The following RSPRY1 variants were observed in gnomAD, a reference collection of about 807,000 sequenced individuals.
RSPRY1 encodes RING finger and SPRY domain-containing protein 1.
A neutral mutation model predicts 73.1 loss-of-function variants in RSPRY1; 23 were observed. The observed-to-expected ratio is 0.31, with a 90% CI of 0.23 to 0.45. The LOEUF (loss-of-function observed/expected upper bound fraction) is 0.45. Ranked by LOEUF, RSPRY1 falls within the 20% of genes least tolerant of loss-of-function variation. The pLI is 1.00. For missense variants in RSPRY1, 448 were observed against 698.7 expected (o/e 0.64, Z 4.05); for synonymous variants, 226 against 251.4 (o/e 0.90, Z 0.95).
intron 13 of RSPRY1, among the ~76,000 whole-genome samples, chr16:57,233,419 A>G (rs1188518673): frequency 6.6e-6 from 1 of 151,924 alleles, no homozygotes; most frequent in African/African-American, 2.4e-5. Context: ...TCTGTTGCCC[A>G]GGAGTGTGGT....
At position 57,231,158 on chromosome 16, in the gene RSPRY1, T is replaced by A. The variant is rs751136149; in HGVS notation, c.1377-9T>A. On this transcript the variant is annotated splice_polypyrimidine_tract_variant and intron_variant, in intron 12 of 14. Transcript: ENST00000394420. ...ATTCTATTGGCCTCTGTACTCATTT[T>A]ATTTGTAGATCTGGATTTTTTGCTG... 25 of 1,611,918 alleles carry A rather than the reference T, an allele frequency of 1.6e-5. No individual in the cohort carries two copies. Among genetic ancestry groups the A allele is most frequent in the Middle Eastern group, 1.6e-4 (1 of 6,076 alleles).
intron 10 of RSPRY1, 68 bp from the exon 11 acceptor site, chr16:57,227,274 G>A: frequency 9.6e-7 from 1 of 1,042,916 alleles, no homozygotes; most frequent in Non-Finnish European, 1.5e-6. Context: ...GGTCGTAAAA[G>A]ACACACTCTC....
In RSPRY1 at chr16:57,221,324, A is replaced by G. The variant is rs2075032174; in HGVS notation, c.1070A>G (p.Asp357Gly). ...FESVRCTFCV[D>G]AGVWYYEVTV... ...AGTGTGCGTTGCACCTTTTGTGTGG[A>G]TGCCGGGGTATGGTACTATGAAGTA... Residue 357 changes from aspartate (D) to glycine (G), a missense_variant, in exon 10 of 15, where the codon GAT becomes GGT. By Grantham distance (94) the Asp-to-Gly change is moderately conservative. Transcript: ENST00000394420. The G allele has an allele frequency of 6.2e-7, 1 of 1,613,846 alleles. No homozygotes were observed. The highest frequency in any genetic ancestry group is 1.3e-5 in the African/African-American group (1 of 74,824).
At chr16:57,237,804 C>T (rs529012702) in intron 14 of RSPRY1, among the ~76,000 whole-genome samples, 3 of 152,032 alleles carry the variant, frequency 2.0e-5, no homozygotes, top group Admixed American at 1.3e-4. Flanking sequence ...CTCCGCCTCC[C>T]GAGCTCAAGT....
At chr16:57,237,683 T>A (rs927764641) in intron 14 of RSPRY1, among the ~76,000 whole-genome samples, 11 of 152,034 alleles carry the variant, frequency 7.2e-5, no homozygotes, top group East Asian at 5.8e-4. Context: ...CTCTTTATTT[T>A]TTTATTTTTA....
intron 1 of RSPRY1, among the ~76,000 whole-genome samples, chr16:57,198,217 C>T (rs1440885652): frequency 6.6e-6 from 1 of 151,998 alleles, no homozygotes; most frequent in Non-Finnish European, 1.5e-5. Flanking sequence ...AACTCTGTCT[C>T]TACTAAAAAT....
At chr16:57,215,404 G>A (rs2074921258) in intron 6 of RSPRY1, among the ~76,000 whole-genome samples, 1 of 152,208 alleles carries the variant, frequency 6.6e-6, no homozygotes, top group African/African-American at 2.4e-5. Flanking sequence ...CCAGAACTTA[G>A]GAGGTACCAG....
chr16:57,202,662 AC>A (rs1406093038), intron 1 of RSPRY1, among the ~76,000 whole-genome samples: 5 of 151,866 alleles, frequency 3.3e-5, no homozygotes, highest in African/African-American at 1.2e-4. Context: ...TTTCAGTACA[AC>A]CTCCAAATTT....
intron 14 of RSPRY1, among the ~76,000 whole-genome samples, chr16:57,237,848 G>A (rs1178343581): frequency 2.6e-5 from 4 of 152,020 alleles, no homozygotes; most frequent in Admixed American, 2.0e-4. Context: ...AAGTAGCTGG[G>A]ATTACCAGTG....
chr16:57,208,620 G>A (rs1338921268), intron 3 of RSPRY1, among the ~76,000 whole-genome samples: 1 of 151,766 alleles, frequency 6.6e-6, no homozygotes, highest in African/African-American at 2.4e-5. Flanking sequence ...GCCTGGTCTT[G>A]TACTCCTGGG....
intron 4 of RSPRY1, among the ~76,000 whole-genome samples, chr16:57,210,958 C>A (rs1295575509): frequency 2.0e-5 from 3 of 152,032 alleles, no homozygotes; most frequent in African/African-American, 7.3e-5. Flanking sequence ...GTCGAGATTG[C>A]AGTGAGACAA....
At chr16:57,218,545 A>G (rs1419975935) in intron 8 of RSPRY1, among the ~76,000 whole-genome samples, 7 of 151,264 alleles carry the variant, frequency 4.6e-5, no homozygotes, top group Non-Finnish European at 5.9e-5. Context: ...TCATGAGTTC[A>G]GTTGTTTTTA....
At chr16:57,222,478 G>A (rs1265511525) in intron 10 of RSPRY1, among the ~76,000 whole-genome samples, 1 of 152,152 alleles carries the variant, frequency 6.6e-6, no homozygotes, top group Non-Finnish European at 1.5e-5. Flanking sequence ...AAACTCCTAG[G>A]CTGGAGAGAG....
chr16:57,212,947 A>G (rs750976640), intron 4 of RSPRY1, 25 bp from the exon 5 acceptor site: 1 of 1,611,816 alleles, frequency 6.2e-7, no homozygotes. Context: ...TATGGGTCAA[A>G]CCCACTTGTA....
intron 14 of RSPRY1, among the ~76,000 whole-genome samples, chr16:57,235,648 G>A (rs1437418620): frequency 1.3e-5 from 2 of 152,188 alleles, no homozygotes; most frequent in Non-Finnish European, 2.9e-5. Context: ...ATCAGCAAGA[G>A]AAGCAAGTAA....
At chr16:57,231,106 C>G (rs1166772185) in intron 12 of RSPRY1, 61 bp from the exon 13 acceptor site, 1 of 1,501,616 alleles carries the variant, frequency 6.7e-7, no homozygotes, top group Non-Finnish European at 9.1e-7. Flanking sequence ...ACTGTTCTAT[C>G]TATTAACTCT....
intron 1 of RSPRY1, among the ~76,000 whole-genome samples, chr16:57,192,502 A>G (rs1349859564): frequency 2.6e-5 from 4 of 151,942 alleles, no homozygotes; most frequent in African/African-American, 4.8e-5. Context: ...CTTTTTTACT[A>G]TTATTTGCTT....
intron 1 of RSPRY1, among the ~76,000 whole-genome samples, chr16:57,190,726 G>A (rs1323622764): frequency 6.6e-6 from 1 of 152,196 alleles, no homozygotes; most frequent in Admixed American, 6.5e-5. Context: ...TTTCCCTTTG[G>A]TTTATCATTC....
At chr16:57,201,057 G>A (rs1465248258) in intron 1 of RSPRY1, among the ~76,000 whole-genome samples, 1 of 150,156 alleles carries the variant, frequency 6.7e-6, no homozygotes, top group Admixed American at 6.6e-5. Context: ...CGGGCGGGGG[G>A]CTGACCCCCA....
Sources: allele counts gnomAD v4.1 joint callset (sites outside exome capture counted in the v4.1 genomes callset), GRCh38; gene constraint gnomAD v4.1.1; transcripts MANE v1.5; gene names NCBI Gene and HGNC (gene_info 2026-07-23, HGNC 2026-07-21).